The following RGS6 variants were observed in gnomAD, a reference collection of about 807,000 sequenced individuals.
RGS6 encodes regulator of G protein signaling 6.
In RGS6, 30 loss-of-function variants were observed where a neutral mutation model predicts 78.5. The observed-to-expected ratio is 0.38, with a 90% CI of 0.29 to 0.52. RGS6 has a LOEUF of 0.52. Ranked by LOEUF, RGS6 falls within the 20% of genes least tolerant of loss-of-function variation. RGS6 has a pLI of 0.85. For synonymous variants in RGS6, 206 were observed against 206.0 expected (o/e 1.00, Z 0.00); for missense variants, 495 against 609.7 (o/e 0.81, Z 1.98).
At chr14:72,010,734 A>G (rs2085498935) in intron 2 of RGS6, among the ~76,000 whole-genome samples, 1 of 152,240 alleles carries the variant, frequency 6.6e-6, no homozygotes, top group Non-Finnish European at 1.5e-5. Flanking sequence ...AATTTTCCAA[A>G]CAGGGCAGTT....
the RGS6 span, among the ~76,000 whole-genome samples, chr14:72,591,989 C>T: frequency 6.6e-6 from 1 of 152,194 alleles, no homozygotes; most frequent in Admixed American, 6.5e-5. Context: ...TTCAGTTTGT[C>T]TCTAGTCCCA....
At chr14:72,210,516 G>A (rs1211429078) in intron 2 of RGS6, among the ~76,000 whole-genome samples, 1 of 152,182 alleles carries the variant, frequency 6.6e-6, no homozygotes, top group East Asian at 1.9e-4. Flanking sequence ...AGAAAGAAGA[G>A]TGTTTTATTT....
intron 2 of RGS6, among the ~76,000 whole-genome samples, chr14:72,175,430 A>G (rs1005930057): frequency 1.3e-5 from 2 of 152,190 alleles, no homozygotes; most frequent in Non-Finnish European, 2.9e-5. Context: ...GTTGTGACCT[A>G]TCTATACTGA....
chr14:71,951,201 A>G (rs984382197), intron 1 of RGS6, among the ~76,000 whole-genome samples: 3 of 152,212 alleles, frequency 2.0e-5, no homozygotes, highest in African/African-American at 7.2e-5. Flanking sequence ...ATATGGTAAT[A>G]TACACCATAG....
intron 2 of RGS6, among the ~76,000 whole-genome samples, chr14:72,079,889 G>T (rs1335967655): frequency 6.6e-6 from 1 of 152,106 alleles, no homozygotes; most frequent in East Asian, 1.9e-4. Context: ...AGGCTGAGTA[G>T]TATTCTGTTG....
At chr14:72,562,181 C>G (rs1168311087) in intron 17 of RGS6, among the ~76,000 whole-genome samples, 2 of 152,136 alleles carry the variant, frequency 1.3e-5, no homozygotes, top group African/African-American at 4.8e-5. Context: ...AACAACACAC[C>G]CTCATAAGGG....
At chr14:72,622,727 A>G in the RGS6 span, among the ~76,000 whole-genome samples, 1 of 151,884 alleles carries the variant, frequency 6.6e-6, no homozygotes, top group Non-Finnish European at 1.5e-5. Flanking sequence ...ACCTCTCACT[A>G]CCAACTATCC....
At chr14:72,106,634 C>G (rs1282102103) in intron 2 of RGS6, among the ~76,000 whole-genome samples, 1 of 152,208 alleles carries the variant, frequency 6.6e-6, no homozygotes, top group Non-Finnish European at 1.5e-5. Flanking sequence ...AGTTGTGTCA[C>G]TGAATTGCAT....
chr14:72,129,281 C>G (rs926774844), intron 2 of RGS6, among the ~76,000 whole-genome samples: 1 of 152,174 alleles, frequency 6.6e-6, no homozygotes, highest in East Asian at 1.9e-4. Flanking sequence ...CGGCTGAGAG[C>G]TCCCGGAAAG....
chr14:72,502,995 A>G (rs1477441974), intron 13 of RGS6, among the ~76,000 whole-genome samples: 1 of 152,210 alleles, frequency 6.6e-6, no homozygotes, highest in Non-Finnish European at 1.5e-5. Flanking sequence ...CAAAAATGCC[A>G]TATACTATGT....
chr14:72,319,183 A>T (rs540726742), intron 2 of RGS6, among the ~76,000 whole-genome samples: 1 of 152,346 alleles, frequency 6.6e-6, no homozygotes, highest in East Asian at 1.9e-4. Context: ...CACTCACTAT[A>T]GGTGATTCCA....
At chr14:72,146,276 C>G (rs2332802) in intron 2 of RGS6, among the ~76,000 whole-genome samples, 19,061 of 152,270 alleles carry the variant, frequency 0.13, 1,374 homozygotes, top group South Asian at 0.2. Context: ...AACACTCTTG[C>G]ATTGGGGGTT....
intron 2 of RGS6, among the ~76,000 whole-genome samples, chr14:72,051,927 C>T (rs8015563): frequency 0.27 from 40,527 of 151,836 alleles, 5,733 homozygotes; most frequent in Admixed American, 0.32. Flanking sequence ...CTTCCTTCCT[C>T]TATAGATTCT....
intron 12 of RGS6, among the ~76,000 whole-genome samples, chr14:72,481,449 C>A (rs1000344583): frequency 6.6e-6 from 1 of 152,184 alleles, no homozygotes; most frequent in African/African-American, 2.4e-5. Flanking sequence ...ACACAGAGAT[C>A]TCTGCAGGCT....
chr14:72,038,294 T>A (rs11158935), intron 2 of RGS6, among the ~76,000 whole-genome samples: 19,813 of 152,182 alleles, frequency 0.13, 1,346 homozygotes, highest in East Asian at 0.17. Context: ...CTCAATTACT[T>A]TAGCTTTATA....
the RGS6 span, among the ~76,000 whole-genome samples, chr14:71,871,961 T>A: frequency 6.8e-6 from 1 of 146,806 alleles, no homozygotes; most frequent in Non-Finnish European, 1.5e-5. Context: ...TTGAGCTCAA[T>A]GTGTATGGGG....
rs541295587 is a variant in RGS6 at position 72,495,727 on chromosome 14, G to C, written c.965+465G>C. 9.2e-5 allele frequency among the ~76,000 whole-genome samples: 14 copies of C among 152,238 alleles called. No homozygotes were observed. In the South Asian group the frequency reaches 2.7e-3, roughly 29 times the overall value. On this transcript the variant is annotated intron_variant, in intron 13 of 17. Transcript: ENST00000553525. ...CAGAGGAGTTAATGAACTTGCCCAA[G>C]GTCATACTGCTAGTACAGCAGAGTT...
Position 71,964,895 on chromosome 14 carries a change from G to GC in RGS6, c.84+22dup. 6.2e-7 allele frequency: 1 copy of GC among 1,601,204 alleles called. No individual in the cohort carries two copies. Among genetic ancestry groups the GC allele is most frequent in the African/African-American group, 1.3e-5 (1 of 74,730 alleles). ...TGCAAAGTAAGGCGCCTGGTCAAGT[G>GC]CCGTGCGTGCTGTCCGTGTGGACTG... On this transcript the variant is annotated intron_variant, in intron 2 of 17. Transcript: ENST00000553525.
intron 2 of RGS6, among the ~76,000 whole-genome samples, chr14:72,292,783 G>T (rs564531893): frequency 2.0e-4 from 31 of 152,312 alleles, no homozygotes; most frequent in African/African-American, 7.5e-4. Context: ...TTGCCCTCTT[G>T]AGAGATTTCT....
Sources: gnomAD v4.1 joint callset for allele counts (sites outside exome capture counted in the v4.1 genomes callset) on GRCh38, gnomAD v4.1.1 for gene constraint, MANE v1.5 for transcripts, NCBI Gene and HGNC (gene_info 2026-07-23, HGNC 2026-07-21) for gene names.